KALRN: variants seen among roughly 807,000 people sequenced by gnomAD.
KALRN encodes kalirin RhoGEF kinase.
In KALRN, 70 loss-of-function variants were observed where a neutral mutation model predicts 353.7. That is an observed-to-expected ratio of 0.20 (90% CI 0.16 to 0.24). The LOEUF is 0.24. KALRN is among the 10% of genes least tolerant of loss of function. The probability of loss-of-function intolerance (pLI) is 1.00; values close to 1 mark genes in which losing one functional copy is unlikely to be tolerated. For missense variants in KALRN, 2,791 were observed against 3,756.7 expected (o/e 0.74, Z 6.72); for synonymous variants, 1,391 against 1,434.8 (o/e 0.97, Z 0.69).
At chr3:124,137,892 C>G (rs1182002158) in intron 1 of KALRN, among the ~76,000 whole-genome samples, 1 of 152,112 alleles carries the variant, frequency 6.6e-6, no homozygotes, top group Non-Finnish European at 1.5e-5. Flanking sequence ...ACAGTTTTCT[C>G]TGAACAGCAT....
chr3:124,063,009 G>C (rs189410505), intron 1 of KALRN, among the ~76,000 whole-genome samples: 89 of 152,312 alleles, frequency 5.8e-4, no homozygotes, highest in Admixed American at 9.2e-4. Context: ...TGGGAGGAGA[G>C]AGCTAGATGC....
intron 13 of KALRN, among the ~76,000 whole-genome samples, chr3:124,402,251 A>C (rs992168002): frequency 1.3e-5 from 2 of 152,354 alleles, no homozygotes; most frequent in Middle Eastern, 3.4e-3. Flanking sequence ...ATGAGATCAT[A>C]GGGCATGCCC....
intron 51 of KALRN, among the ~76,000 whole-genome samples, chr3:124,686,881 C>A (rs1393788709): frequency 3.8e-5 from 5 of 130,604 alleles, no homozygotes; most frequent in Non-Finnish European, 6.2e-5. Context: ...GTGGCATGAT[C>A]TCGGCTCACT....
At chr3:124,637,390 C>T in intron 37 of KALRN, 87 bp downstream of exon 37, 2 of 945,106 alleles carry the variant, frequency 2.1e-6, no homozygotes, top group Middle Eastern at 2.8e-4. Context: ...TTCTCCTTTG[C>T]ACCTGTCCTC....
chr3:124,576,920 C>T (rs963769109), intron 34 of KALRN, among the ~76,000 whole-genome samples: 1 of 152,122 alleles, frequency 6.6e-6, no homozygotes, highest in African/African-American at 2.4e-5. Context: ...TAGAGGTAAA[C>T]GTTTTTGGAA....
chr3:124,407,281 C>T (rs768432452), intron 13 of KALRN, among the ~76,000 whole-genome samples: 19 of 152,088 alleles, frequency 1.2e-4, no homozygotes, highest in Non-Finnish European at 1.9e-4. Context: ...ACATAGTAGT[C>T]AGCATTGTTA....
chr3:124,533,979 C>T (rs948219861), intron 33 of KALRN, among the ~76,000 whole-genome samples: 3 of 152,146 alleles, frequency 2.0e-5, no homozygotes, highest in East Asian at 1.9e-4. Flanking sequence ...GTTGATAGCA[C>T]GTACCCTTGA....
intron 59 of KALRN, among the ~76,000 whole-genome samples, chr3:124,718,599 T>C (rs1342248864): frequency 6.6e-6 from 1 of 152,230 alleles, no homozygotes; most frequent in Non-Finnish European, 1.5e-5. Flanking sequence ...TTCTCTTCCA[T>C]GCTTCTCAAA....
chr3:124,588,035 T>A (rs1186959722), intron 34 of KALRN, among the ~76,000 whole-genome samples: 2 of 135,566 alleles, frequency 1.5e-5, no homozygotes, highest in Non-Finnish European at 3.4e-5. Context: ...GCAGGTTTGA[T>A]GAAAGATGAT....
chr3:124,428,963 CA>C (rs748727018), intron 15 of KALRN, among the ~76,000 whole-genome samples: 103 of 152,174 alleles, frequency 6.8e-4, no homozygotes, highest in Non-Finnish European at 3.5e-4. Context: ...TCAGACCAAA[CA>C]AAATGCAGTG....
chr3:124,196,187 T>C (rs529213226), intron 1 of KALRN, among the ~76,000 whole-genome samples: 1 of 152,302 alleles, frequency 6.6e-6, no homozygotes, highest in South Asian at 2.1e-4. Context: ...CTGGCCCTTA[T>C]TAGGTTGTCT....
At position 124,385,127 on chromosome 3, in the gene KALRN, C is replaced by A. The variant is rs933679867; in HGVS notation, c.1962+91C>A. On this transcript the variant is annotated intron_variant, in intron 11 of 59. Transcript: ENST00000682506. ...TGGCCCTGAAGGTCTGACCAGGGTC[C>A]TGGGTAGTCTGGGGGTTACTAACTT... 2.8e-6 allele frequency: 3 copies of A among 1,065,184 alleles called. No individual in the cohort carries two copies. In the African/African-American group the frequency reaches 4.8e-5, roughly 17 times the overall value. 66.0% of individuals were successfully genotyped at this position (1,065,184 alleles called of 1,614,324 possible). A position where few individuals can be genotyped will look rare whatever the true frequency, so the allele number is the denominator to read the frequency against.
intron 51 of KALRN, among the ~76,000 whole-genome samples, chr3:124,681,383 C>G (rs1443949004): frequency 6.6e-6 from 1 of 152,130 alleles, no homozygotes; most frequent in African/African-American, 2.4e-5. Flanking sequence ...TCAGGAGGTG[C>G]TGTGGAGTGC....
intron 1 of KALRN, among the ~76,000 whole-genome samples, chr3:124,126,767 A>G (rs182922347): frequency 2.0e-5 from 3 of 152,346 alleles, no homozygotes; most frequent in African/African-American, 7.2e-5. Flanking sequence ...TGACAGTTTC[A>G]TCTACTCCAT....
intron 45 of KALRN, among the ~76,000 whole-genome samples, chr3:124,663,246 C>T (rs2085128104): frequency 1.3e-5 from 2 of 152,186 alleles, no homozygotes; most frequent in Non-Finnish European, 1.5e-5. Flanking sequence ...CACACTGGGC[C>T]GTTTCCTTTT....
intron 1 of KALRN, among the ~76,000 whole-genome samples, chr3:124,142,900 T>C (rs541503402): frequency 6.6e-6 from 1 of 152,242 alleles, no homozygotes; most frequent in African/African-American, 2.4e-5. Flanking sequence ...TTTAAGGTAG[T>C]GTGTCAGGGG....
chr3:124,097,256 A>G (rs2061516019), intron 1 of KALRN, among the ~76,000 whole-genome samples: 1 of 152,268 alleles, frequency 6.6e-6, no homozygotes, highest in Non-Finnish European at 1.5e-5. Flanking sequence ...TCATTGAAAG[A>G]TGCTCAATAA....
intron 5 of KALRN, among the ~76,000 whole-genome samples, chr3:124,291,559 C>T (rs1030799490): frequency 3.3e-5 from 5 of 152,096 alleles, no homozygotes; most frequent in Admixed American, 1.3e-4. Context: ...CAGAGAAATC[C>T]GACCTGTTCT....
Position 124,724,088 on chromosome 3 carries a change from A to G in KALRN, c.*4618A>G, listed in dbSNP as rs895375425. 6.6e-6 allele frequency: 1 copy of G among 151,412 alleles called. No individual in the cohort carries two copies. The highest frequency in any genetic ancestry group is 1.5e-5 in the Non-Finnish European group (1 of 67,930). 9.4% of individuals were successfully genotyped at this position (151,412 alleles called of 1,614,324 possible). ...AGGAGTTGCATATTTGCTATCCCAT[A>G]ACCTCCATGATTAGAGCCCACGAGT... On this transcript the variant is annotated 3_prime_UTR_variant, in exon 60 of 60. Coordinates refer to ENST00000682506, the MANE Select transcript of KALRN (RefSeq NM_001388419.1).
Sources: gnomAD v4.1 joint callset for allele counts (sites outside exome capture counted in the v4.1 genomes callset) on GRCh38, gnomAD v4.1.1 for gene constraint, MANE v1.5 for transcripts, NCBI Gene and HGNC (gene_info 2026-07-23, HGNC 2026-07-21) for gene names.